The following JMJD1C variants were observed in gnomAD, a reference collection of about 807,000 sequenced individuals.
The protein encoded by JMJD1C is jumonji domain containing 1C, also known as jumonji domain-containing protein 1C.
JMJD1C carries 31 observed loss-of-function variants against 245.3 expected under a neutral mutation model. The ratio of observed to expected loss-of-function variants is 0.13; its 90% CI spans 0.09 to 0.17. JMJD1C has a LOEUF of 0.17. JMJD1C is among the 10% of genes least tolerant of loss of function. The pLI is 1.00. For missense variants in JMJD1C, 2,691 were observed against 3,000.2 expected (o/e 0.90, Z 2.41); for synonymous variants, 1,057 against 1,017.4 (o/e 1.04, Z -0.74).
At chr10:63,200,388 T>A in intron 11 of JMJD1C, 88 bp downstream of exon 11, 1 of 947,962 alleles carries the variant, frequency 1.1e-6, no homozygotes. Context: ...TACTCCCCCA[T>A]CCAAAAGGGA....
chr10:63,403,382 A>G (rs1310356070), intron 1 of JMJD1C, among the ~76,000 whole-genome samples: 6 of 152,236 alleles, frequency 3.9e-5, no homozygotes, highest in African/African-American at 1.4e-4. Flanking sequence ...TAAGGTCTTC[A>G]CATCAGATGA....
At chr10:63,470,681 A>T (rs550238780), upstream of JMJD1C, among the ~76,000 whole-genome samples, 2 of 152,206 alleles carry the variant, frequency 1.3e-5, no homozygotes, top group Non-Finnish European at 2.9e-5. Context: ...TGGAGCCAAT[A>T]TACAAACATA....
chr10:63,302,578 C>A (rs1241641629), intron 2 of JMJD1C, among the ~76,000 whole-genome samples: 1 of 152,122 alleles, frequency 6.6e-6, no homozygotes, highest in African/African-American at 2.4e-5. Flanking sequence ...GTGAAAGACA[C>A]CTTTACAACA....
At chr10:63,300,310 C>T (rs897384589) in intron 2 of JMJD1C, among the ~76,000 whole-genome samples, 1 of 152,002 alleles carries the variant, frequency 6.6e-6, no homozygotes, top group Non-Finnish European at 1.5e-5. Context: ...TTATCAAAAG[C>T]ACAATAAGAT....
chr10:63,378,814 T>C (rs1946983573), intron 2 of JMJD1C, among the ~76,000 whole-genome samples: 1 of 152,198 alleles, frequency 6.6e-6, no homozygotes, highest in African/African-American at 2.4e-5. Flanking sequence ...TTAAGGTCTA[T>C]AAAAGTTTAA....
chr10:63,245,478 C>CTTTATTTT lies in JMJD1C; in HGVS notation c.447+19172_447+19173insAAAATAAA. Among the ~76,000 whole-genome samples the CTTTATTTT allele has an allele frequency of 2.2e-5, 2 of 90,158 alleles. 1 individual carries two copies. Among genetic ancestry groups the CTTTATTTT allele is most frequent in the Non-Finnish European group, 4.1e-5 (2 of 48,764 alleles). The allele number at this position is 90,158 out of a possible 152,430, so 59.1% of individuals were successfully genotyped here. On this transcript the variant is annotated intron_variant, in intron 3 of 25. Transcript: ENST00000399262. ...GAGAGGGAGCTTCTGCAGGGGAACT[C>CTTTATTTT]TTTTTTTTTTTTTTTTTTTTTGAGA...
chr10:63,202,704 A>G (rs1564597189), intron 10 of JMJD1C: 1 of 985,302 alleles, frequency 1.0e-6, no homozygotes, highest in Non-Finnish European at 1.2e-6. Flanking sequence ...TCTCCCGGTT[A>G]TGGTATAAAC....
intron 1 of JMJD1C, among the ~76,000 whole-genome samples, chr10:63,381,782 A>C (rs1158365228): frequency 6.6e-6 from 1 of 152,226 alleles, no homozygotes; most frequent in Non-Finnish European, 1.5e-5. Flanking sequence ...ACAGGGAGAT[A>C]AACCATAACT....
At chr10:63,333,000 G>A (rs1200677161) in intron 2 of JMJD1C, among the ~76,000 whole-genome samples, 1 of 151,990 alleles carries the variant, frequency 6.6e-6, no homozygotes, top group Non-Finnish European at 1.5e-5. Context: ...AAGCAAACCT[G>A]TATATTCTAT....
intron 22 of JMJD1C, among the ~76,000 whole-genome samples, chr10:63,182,004 T>C (rs1843549639): frequency 6.6e-6 from 1 of 152,218 alleles, no homozygotes; most frequent in Non-Finnish European, 1.5e-5. Flanking sequence ...TAGCATAATG[T>C]AAAAATGAGT....
intron 2 of JMJD1C, among the ~76,000 whole-genome samples, chr10:63,294,093 T>G (rs538291473): frequency 6.6e-6 from 1 of 152,272 alleles, no homozygotes; most frequent in African/African-American, 2.4e-5. Flanking sequence ...TTGCAAGATA[T>G]CCTAATCATC....
chr10:63,252,827 G>A (rs991515071), intron 3 of JMJD1C, among the ~76,000 whole-genome samples: 1 of 152,200 alleles, frequency 6.6e-6, no homozygotes, highest in East Asian at 1.9e-4. Flanking sequence ...CTGGCATGTT[G>A]CTGTAATATT....
intron 2 of JMJD1C, among the ~76,000 whole-genome samples, chr10:63,348,160 C>G (rs545413238): frequency 2.2e-4 from 33 of 148,988 alleles, no homozygotes; most frequent in Non-Finnish European, 4.4e-4. Context: ...GAGCTGGGAT[C>G]GCGCCATTGT....
intron 2 of JMJD1C, among the ~76,000 whole-genome samples, chr10:63,335,150 C>G (rs938900413): frequency 6.6e-6 from 1 of 151,364 alleles, no homozygotes; most frequent in Non-Finnish European, 1.5e-5. Context: ...AGCAGTCTGA[C>G]AAAGTGCCTC....
At chr10:63,357,866 C>CACAG (rs1491307054) in intron 2 of JMJD1C, among the ~76,000 whole-genome samples, 7,181 of 137,504 alleles carry the variant, frequency 0.052, 464 homozygotes, top group African/African-American at 0.16. Context: ...CACACACACA[C>CACAG]AGAGACAAAC....
chr10:63,516,192 T>C (rs1207622221), intron 1 of JMJD1C, among the ~76,000 whole-genome samples: 1 of 146,332 alleles, frequency 6.8e-6, no homozygotes, highest in Non-Finnish European at 1.5e-5. Context: ...TATCTTAGAC[T>C]AAATATCTAT....
chr10:63,372,596 T>G (rs2134440240), intron 2 of JMJD1C, among the ~76,000 whole-genome samples: 1 of 152,312 alleles, frequency 6.6e-6, no homozygotes, highest in South Asian at 2.1e-4. Context: ...AGAAAACTTG[T>G]GATAACTCCC....
At chr10:63,224,856 G>T (rs1291582493) in intron 3 of JMJD1C, among the ~76,000 whole-genome samples, 1 of 152,132 alleles carries the variant, frequency 6.6e-6, no homozygotes, top group Non-Finnish European at 1.5e-5. Flanking sequence ...GAGGTCAGGA[G>T]TTCGAGACCA....
chr10:63,498,794 C>G (rs775698869), intron 1 of JMJD1C, among the ~76,000 whole-genome samples: 21 of 152,022 alleles, frequency 1.4e-4, no homozygotes, highest in Non-Finnish European at 2.6e-4. Flanking sequence ...TGTTAACTAA[C>G]TATAACACAG....
Sources: allele counts gnomAD v4.1 joint callset (sites outside exome capture counted in the v4.1 genomes callset), GRCh38; gene constraint gnomAD v4.1.1; transcripts MANE v1.5; gene names NCBI Gene and HGNC (gene_info 2026-07-23, HGNC 2026-07-21).